The following COL23A1 variants were observed in gnomAD, a reference collection of about 807,000 sequenced individuals.
The protein encoded by COL23A1 is collagen alpha-1(XXIII) chain.
Under a neutral mutation model 99.3 loss-of-function variants are expected in COL23A1, and 97 were observed. The ratio of observed to expected loss-of-function variants is 0.98; its 90% CI spans 0.83 to 1.16. The LOEUF is 1.16. Among genes scored for constraint, COL23A1 ranks in the 50% most tolerant of loss-of-function variants. COL23A1 has a pLI of 0.00. For synonymous variants in COL23A1, 320 were observed against 308.2 expected, an observed-to-expected ratio of 1.04 and a Z score of -0.40; for missense variants, 762 against 757.4, an observed-to-expected ratio of 1.01 and a Z score of -0.07.
rs530297 is a variant in COL23A1 at position 178,544,960 on chromosome 5, C to G, written c.361+15722G>C. ...CAAAATTTAGCCAGGTGTGGTGGCA[C>G]GTGCCTGTAGTCCCAGCTACTTGGG... On this transcript the variant is annotated intron_variant, in intron 2 of 28. Coordinates refer to ENST00000390654, the MANE Select transcript of COL23A1 (RefSeq NM_173465.4). This position sits in a 1 kb window ranked among gnomAD's most constrained non-coding sequence, Gnocchi z 4.4. Among the ~76,000 whole-genome samples the G allele has an allele frequency of 3.4e-3, 515 of 152,160 alleles. 3 individuals carry two copies. Among genetic ancestry groups the G allele is most frequent in the African/African-American group, 0.012 (489 of 41,496 alleles).
Position 178,415,098 on chromosome 5 carries a change from G to C in COL23A1, c.362-108179C>G, listed in dbSNP as rs1019601531. On this transcript the variant is annotated intron_variant, in intron 2 of 28. Coordinates refer to ENST00000390654, the MANE Select transcript of COL23A1 (RefSeq NM_173465.4). This position sits in a 1 kb window ranked among gnomAD's most constrained non-coding sequence, Gnocchi z 4.6. ...GCCTCAGTTTCTCAGCACGAAACCCGGAATATGTGAGTGCTGGTTCTCTCT... is the reference window on the plus strand; with the variant it reads ...GCCTCAGTTTCTCAGCACGAAACCCCGAATATGTGAGTGCTGGTTCTCTCT... Among the ~76,000 whole-genome samples, 1 of 151,832 alleles carries C rather than the reference G, an allele frequency of 6.6e-6. No homozygotes were observed. The highest frequency in any genetic ancestry group is 2.1e-4 in the South Asian group (1 of 4,812).
chr5:178,314,118 G>C (rs1273744168), intron 2 of COL23A1, among the ~76,000 whole-genome samples: 1 of 152,122 alleles, frequency 6.6e-6, no homozygotes, highest in Admixed American at 6.5e-5. Flanking sequence ...ACCCGGAGAG[G>C]CTGGCCAGCT....
intron 2 of COL23A1, among the ~76,000 whole-genome samples, chr5:178,481,096 C>T (rs1035788495): frequency 4.4e-5 from 6 of 135,540 alleles, no homozygotes; most frequent in African/African-American, 5.4e-5. Flanking sequence ...TGCAGCGAGC[C>T]GAGATCGCAC....
chr5:178,524,395 A>T (rs537122397), intron 2 of COL23A1, among the ~76,000 whole-genome samples: 1 of 152,364 alleles, frequency 6.6e-6, no homozygotes, highest in South Asian at 2.1e-4. Context: ...TAACTGGGTC[A>T]CATGGGTATC....
intron 2 of COL23A1, among the ~76,000 whole-genome samples, chr5:178,402,198 A>G (rs1764487055): frequency 6.6e-6 from 1 of 151,874 alleles, no homozygotes. Context: ...AAGTGAGTGA[A>G]TGAGTGAACT....
intron 2 of COL23A1, among the ~76,000 whole-genome samples, chr5:178,464,639 C>T (rs1197542234): frequency 2.0e-5 from 3 of 152,202 alleles, no homozygotes; most frequent in Admixed American, 6.5e-5. Flanking sequence ...AAGCCGGCTC[C>T]GTGCTGCTAG....
intron 1 of COL23A1, among the ~76,000 whole-genome samples, chr5:178,571,976 G>A (rs1763124654): frequency 6.7e-6 from 1 of 150,102 alleles, no homozygotes; most frequent in Non-Finnish European, 1.5e-5. Flanking sequence ...GCTGAGGCAG[G>A]AGAATGGCGT....
intron 2 of COL23A1, among the ~76,000 whole-genome samples, chr5:178,362,587 G>C (rs1205135969): frequency 6.6e-6 from 1 of 152,110 alleles, no homozygotes; most frequent in Non-Finnish European, 1.5e-5. Context: ...GGTGACTCTG[G>C]CCTGGCTCAC....
intron 2 of COL23A1, among the ~76,000 whole-genome samples, chr5:178,379,827 G>A (rs1434508366): frequency 2.7e-5 from 4 of 150,648 alleles, no homozygotes; most frequent in Non-Finnish European, 5.9e-5. Flanking sequence ...GTTGCGGTGA[G>A]CAGAGGTCAC....
intron 2 of COL23A1, among the ~76,000 whole-genome samples, chr5:178,369,383 G>T (rs1762676160): frequency 6.6e-6 from 1 of 152,192 alleles, no homozygotes; most frequent in Non-Finnish European, 1.5e-5. Flanking sequence ...TGGCCTTCTG[G>T]AAACTGGAAG....
chr5:178,407,910 A>G (rs1033890573), intron 2 of COL23A1, among the ~76,000 whole-genome samples: 1 of 152,208 alleles, frequency 6.6e-6, no homozygotes, highest in Non-Finnish European at 1.5e-5. Context: ...GAGTGAGACT[A>G]AAAAAGTATT....
In COL23A1 at chr5:178,242,203, G is replaced by C. The variant is rs913529988; in HGVS notation, c.1495-75C>G. The C allele has an allele frequency of 5.4e-6, 8 of 1,470,080 alleles. No individual in the cohort carries two copies. The African/African-American group carries it at 8.4e-5, about 15-fold the overall frequency. The allele number at this position is 1,470,080 out of a possible 1,614,324, so 91.1% of individuals were successfully genotyped here. On this transcript the variant is annotated intron_variant, in intron 26 of 28. Coordinates refer to ENST00000390654, the MANE Select transcript of COL23A1 (RefSeq NM_173465.4). ...AACCTCCAACATCTCTCCGAGAGAA[G>C]CGCGTGGGGCCAGCCTCCCCCTGCC...
chr5:178,408,680 C>T (rs1342567091), intron 2 of COL23A1, among the ~76,000 whole-genome samples: 2 of 151,966 alleles, frequency 1.3e-5, no homozygotes, highest in Non-Finnish European at 2.9e-5. Flanking sequence ...TCAGGCCAGG[C>T]GCGGTGGCTC....
intron 2 of COL23A1, among the ~76,000 whole-genome samples, chr5:178,332,669 G>T (rs7725724): frequency 0.02 from 3,085 of 152,116 alleles, 39 homozygotes; most frequent in South Asian, 0.052. Context: ...AGCCCACTTG[G>T]TCTATGTTTG....
chr5:178,441,259 G>C (rs1168805913), intron 2 of COL23A1, among the ~76,000 whole-genome samples: 3 of 152,172 alleles, frequency 2.0e-5, no homozygotes, highest in Non-Finnish European at 4.4e-5. Context: ...CTACAGTTAA[G>C]ACTGGCAGCA....
chr5:178,489,533 C>T (rs1757815821), intron 2 of COL23A1, among the ~76,000 whole-genome samples: 1 of 151,010 alleles, frequency 6.6e-6, no homozygotes, highest in African/African-American at 2.4e-5. Context: ...CCTGTTGGCT[C>T]AGTCCCTCTG....
chr5:178,290,209 G>A (rs528253538), intron 4 of COL23A1, among the ~76,000 whole-genome samples, 153 bp downstream of exon 4: 2 of 152,294 alleles, frequency 1.3e-5, no homozygotes, highest in East Asian at 3.9e-4. Context: ...TGGGATTCCA[G>A]GCGTGAGCCA....
At chr5:178,294,637 C>T (rs1468105575) in intron 3 of COL23A1, among the ~76,000 whole-genome samples, 3 of 152,216 alleles carry the variant, frequency 2.0e-5, no homozygotes, top group Admixed American at 2.0e-4. Context: ...CAGCATCAAC[C>T]AGGATGAATT....
At chr5:178,455,537 A>G (rs1767732267) in intron 2 of COL23A1, among the ~76,000 whole-genome samples, 1 of 152,192 alleles carries the variant, frequency 6.6e-6, no homozygotes, top group Non-Finnish European at 1.5e-5. Context: ...GAACCCCAGA[A>G]TCTCAGCCTG....
Sources: gnomAD v4.1 joint callset for allele counts (sites outside exome capture counted in the v4.1 genomes callset) on GRCh38, gnomAD v4.1.1 for gene constraint, Gnocchi (gnomAD v3.1) non-coding constraint, MANE v1.5 for transcripts, NCBI Gene and HGNC (gene_info 2026-07-23, HGNC 2026-07-21) for gene names.